The following ZMIZ1 variants were observed in gnomAD, a reference collection of about 807,000 sequenced individuals.
ZMIZ1 encodes zinc finger MIZ domain-containing protein 1.
Under a neutral mutation model 113.9 loss-of-function variants are expected in ZMIZ1, and 17 were observed. That is an observed-to-expected ratio of 0.15 (90% CI 0.10 to 0.22). ZMIZ1 has a LOEUF of 0.22. Ranked by LOEUF, ZMIZ1 falls within the 10% of genes least tolerant of loss-of-function variation. The pLI is 1.00. For missense variants in ZMIZ1, 1,059 were observed against 1,477.8 expected (o/e 0.72, Z 4.65); for synonymous variants, 607 against 603.1 (o/e 1.01, Z -0.09).
chr10:79,273,232 C>CG (rs1018050410), intron 7 of ZMIZ1, among the ~76,000 whole-genome samples: 2 of 152,332 alleles, frequency 1.3e-5, no homozygotes, highest in South Asian at 2.1e-4. Context: ...GCTTGGCTGA[C>CG]GGGGGGTGGT....
chr10:79,153,403 G>A (rs1335850081), intron 3 of ZMIZ1, among the ~76,000 whole-genome samples: 2 of 152,266 alleles, frequency 1.3e-5, no homozygotes, highest in Admixed American at 1.3e-4. Flanking sequence ...CACTTGCCTA[G>A]GTCAAGGGCT....
At chr10:79,125,703 G>A (rs2062997025) in intron 2 of ZMIZ1, among the ~76,000 whole-genome samples, 1 of 152,212 alleles carries the variant, frequency 6.6e-6, no homozygotes, top group Non-Finnish European at 1.5e-5. Context: ...GGGGCCACAA[G>A]CGTGACATCT....
intron 4 of ZMIZ1, among the ~76,000 whole-genome samples, chr10:79,185,385 A>C (rs1847310082): frequency 6.6e-6 from 1 of 152,108 alleles, no homozygotes; most frequent in Non-Finnish European, 1.5e-5. Flanking sequence ...TTTTTAAAAC[A>C]TTCCACTGTA....
chr10:79,267,695 A>G (rs1333422410), intron 7 of ZMIZ1, among the ~76,000 whole-genome samples: 1 of 152,116 alleles, frequency 6.6e-6, no homozygotes, highest in Admixed American at 6.5e-5. Flanking sequence ...TGGAGGCAGG[A>G]GACAGCATAT....
chr10:79,207,157 C>T (rs1367841597), intron 5 of ZMIZ1, among the ~76,000 whole-genome samples: 1 of 152,182 alleles, frequency 6.6e-6, no homozygotes, highest in Non-Finnish European at 1.5e-5. Flanking sequence ...CCCCTCCCTG[C>T]CCTGGCGCTG....
chr10:79,273,968 C>T (rs1308619098), intron 7 of ZMIZ1, among the ~76,000 whole-genome samples: 3 of 152,238 alleles, frequency 2.0e-5, no homozygotes, highest in Admixed American at 1.3e-4. Context: ...TGGGCCCAAG[C>T]GAGCTGCATT....
At chr10:79,231,944 C>T (rs1463537095) in intron 7 of ZMIZ1, among the ~76,000 whole-genome samples, 1 of 152,188 alleles carries the variant, frequency 6.6e-6, no homozygotes, top group Non-Finnish European at 1.5e-5. Context: ...GAGGCTGGCT[C>T]TTGGGTGGCC....
At chr10:79,152,805 T>C (rs1483927503) in intron 3 of ZMIZ1, among the ~76,000 whole-genome samples, 2 of 152,252 alleles carry the variant, frequency 1.3e-5, no homozygotes, top group Admixed American at 6.5e-5. Context: ...TCTGTACCAG[T>C]GTCAGCCACC....
Position 79,228,036 on chromosome 10 carries a change from A to C in ZMIZ1, c.280+11762A>C, listed in dbSNP as rs1025362709. ...TGAAGGCCTCTGTCTCACCATTCCC[A>C]TCCTGTCTGTGCCCTGGGTGAGGGA... On this transcript the variant is annotated intron_variant, in intron 7 of 24. Transcript: ENST00000334512. Among the ~76,000 whole-genome samples the C allele has an allele frequency of 4.6e-5, 7 of 152,312 alleles. No individual in the cohort carries two copies. In the East Asian group the frequency reaches 1.4e-3, roughly 29 times the overall value.
intron 3 of ZMIZ1, among the ~76,000 whole-genome samples, chr10:79,152,591 A>T (rs1418769320): frequency 1.3e-5 from 2 of 152,214 alleles, no homozygotes. Context: ...TGAAAGCTCT[A>T]GTCTGGATGG....
chr10:79,140,333 G>A (rs1845203054), intron 3 of ZMIZ1, among the ~76,000 whole-genome samples: 1 of 152,198 alleles, frequency 6.6e-6, no homozygotes, highest in Non-Finnish European at 1.5e-5. Flanking sequence ...TGCATTTTCA[G>A]ACCACGAGAA....
intron 1 of ZMIZ1, among the ~76,000 whole-genome samples, chr10:79,094,665 G>T (rs1306923530): frequency 1.3e-5 from 2 of 152,222 alleles, no homozygotes; most frequent in East Asian, 3.9e-4. Context: ...AATGGGGCTA[G>T]GCCAGGTGCA....
chr10:79,103,233 G>A (rs1438432278), intron 1 of ZMIZ1, among the ~76,000 whole-genome samples: 5 of 152,092 alleles, frequency 3.3e-5, no homozygotes, highest in Non-Finnish European at 7.4e-5. Context: ...GAGGACATGG[G>A]GAAACCGTGA....
intron 3 of ZMIZ1, among the ~76,000 whole-genome samples, chr10:79,159,409 G>A (rs1421088456): frequency 2.6e-5 from 4 of 152,290 alleles, no homozygotes; most frequent in South Asian, 2.1e-4. Flanking sequence ...AGGGGTGCCC[G>A]GCGCCGTCTG....
Position 79,298,471 on chromosome 10 carries a change from C to A in ZMIZ1, c.1557C>A (p.Pro519=). The change falls in exon 15 of 25, where the codon CCC becomes CCA. Residue 519 remains proline (P), a synonymous_variant. Coordinates refer to ENST00000334512, the MANE Select transcript of ZMIZ1 (RefSeq NM_020338.4). ...HSPVPGNPTP[P]MTPGSSIPPY... is the part of the protein sequence containing the mutation. ...CTGTTCCAGGGAACCCCACACCCCC[C>A]ATGACCCCTGGGAGCAGCATCCCTC... is the stretch of plus-strand genomic sequence containing the variant. 6.2e-7 allele frequency: 1 copy of A among 1,607,914 alleles called. No homozygotes were observed. The highest frequency in any genetic ancestry group is 1.7e-5 in the Admixed American group (1 of 58,952).
intron 4 of ZMIZ1, among the ~76,000 whole-genome samples, chr10:79,190,853 TA>T (rs1847570861): frequency 6.6e-6 from 1 of 152,272 alleles, no homozygotes; most frequent in South Asian, 2.1e-4. Context: ...CAGTTTAGGG[TA>T]AAGAGCACAA....
At position 79,241,375 on chromosome 10, in the gene ZMIZ1, CAG is replaced by C. The variant is rs536015068; in HGVS notation, c.280+25102_280+25103del. ...GAGGGCAGGGCCCCAGTGAATGTCT[CAG>C]TGAGTAAATGACTGTCCCCAAAGAA... On this transcript the variant is annotated intron_variant, in intron 7 of 24. Coordinates refer to ENST00000334512, the MANE Select transcript of ZMIZ1 (RefSeq NM_020338.4). 1.7e-3 allele frequency among the ~76,000 whole-genome samples: 265 copies of C among 152,208 alleles called. 2 individuals carry two copies. The highest frequency in any genetic ancestry group is 6.1e-3 in the African/African-American group (253 of 41,526).
chr10:79,073,905 G>A (rs12263636), intron 1 of ZMIZ1, among the ~76,000 whole-genome samples: 57,562 of 151,886 alleles, frequency 0.38, 11,480 homozygotes, highest in Non-Finnish European at 0.44. Flanking sequence ...ACTGTGTCCT[G>A]GGAGAGACCA....
intron 3 of ZMIZ1, among the ~76,000 whole-genome samples, chr10:79,160,884 T>C (rs1474419459): frequency 6.6e-6 from 1 of 152,224 alleles, no homozygotes; most frequent in Non-Finnish European, 1.5e-5. Flanking sequence ...AGGTGGGCAC[T>C]CCGGTGCAGA....
Sources: allele counts gnomAD v4.1 joint callset (sites outside exome capture counted in the v4.1 genomes callset), GRCh38; gene constraint gnomAD v4.1.1; transcripts MANE v1.5; gene names NCBI Gene and HGNC (gene_info 2026-07-23, HGNC 2026-07-21).